Variants in CACNB1 observed in about 807,000 individuals in gnomAD.
CACNB1 encodes calcium voltage-gated channel auxiliary subunit beta 1, also known as voltage-dependent L-type calcium channel subunit beta-1.
Under a neutral mutation model 71.6 loss-of-function variants are expected in CACNB1, and 29 were observed. That is an observed-to-expected ratio of 0.40 (90% CI 0.30 to 0.55). CACNB1 has a LOEUF of 0.55. CACNB1 is among the 20% of genes least tolerant of loss of function. CACNB1 has a pLI of 0.38. For synonymous variants in CACNB1, 300 were observed against 319.6 expected, an observed-to-expected ratio of 0.94 and a Z score of 0.65; for missense variants, 623 against 801.8, an observed-to-expected ratio of 0.78 and a Z score of 2.69.
Position 39,175,113 on chromosome 17 carries a change from T to A in CACNB1, c.*80A>T. ...GGAGACAGCGCCCCCTGGAGGCGAA[T>A]ACATGTCAGGTGTGAGCCCCTCGCT... On this transcript the variant is annotated 3_prime_UTR_variant, in exon 14 of 14. Transcript: ENST00000394303. The surrounding 1 kb of genome is among the most constrained non-coding windows in gnomAD (Gnocchi z 4.7). The A allele has an allele frequency of 8.7e-7, 1 of 1,151,828 alleles. No homozygotes were observed. Among genetic ancestry groups the A allele is most frequent in the Non-Finnish European group, 1.2e-6 (1 of 800,412 alleles). The allele number at this position is 1,151,828 out of a possible 1,614,324, so 71.4% of individuals were successfully genotyped here. A position where few individuals can be genotyped will look rare whatever the true frequency, so the allele number is the denominator to read the frequency against.
chr17:39,178,379 T>A (rs1228780987), intron 11 of CACNB1: 1 of 222,910 alleles, frequency 4.5e-6, no homozygotes, highest in Non-Finnish European at 8.9e-6. Flanking sequence ...ACTCTCCTTT[T>A]TTTTTGTTTT....
chr17:39,193,282 A>G (rs758129508), intron 2 of CACNB1: 57 of 318,574 alleles, frequency 1.8e-4, no homozygotes, highest in Non-Finnish European at 3.2e-4. Flanking sequence ...ACACATACAC[A>G]CACATATGCA....
Position 39,175,872 on chromosome 17 carries a change from G to A in CACNB1, c.1333-215C>T, listed in dbSNP as rs138929802. ...TCCTCTCTCGGGACAGGGGGCACCC[G>A]ACCTTCAACAGATGTGAGGACATAT... On this transcript the variant is annotated intron_variant, in intron 13 of 13. Coordinates refer to ENST00000394303, the MANE Select transcript of CACNB1 (RefSeq NM_000723.5). The surrounding 1 kb of genome is among the most constrained non-coding windows in gnomAD (Gnocchi z 4.7). Among the ~76,000 whole-genome samples the A allele has an allele frequency of 0.015, 2,335 of 152,220 alleles. 42 individuals are homozygous for A. The highest frequency in any genetic ancestry group is 0.05 in the African/African-American group (2,087 of 41,518).
At chr17:39,195,782 C>T (rs2046190078) in intron 1 of CACNB1, among the ~76,000 whole-genome samples, 1 of 152,186 alleles carries the variant, frequency 6.6e-6, no homozygotes, top group Admixed American at 6.5e-5. Flanking sequence ...TGCCCATGCC[C>T]CATGCCCATG....
intron 2 of CACNB1, chr17:39,193,550 G>A (rs1185613538): frequency 2.4e-6 from 1 of 418,456 alleles, no homozygotes; most frequent in Non-Finnish European, 4.8e-6. Context: ...TGGGGGCTCG[G>A]GTTACAAGCA....
intron 1 of CACNB1, among the ~76,000 whole-genome samples, chr17:39,195,526 G>C (rs556247079): frequency 1.7e-4 from 26 of 152,302 alleles, no homozygotes; most frequent in Non-Finnish European, 2.5e-4. Flanking sequence ...GTAGGGAGGG[G>C]ATGACAGCTC....
chr17:39,192,976 A>G (rs1405494254), intron 2 of CACNB1: 1 of 155,730 alleles, frequency 6.4e-6, no homozygotes, highest in Non-Finnish European at 1.4e-5. Context: ...GAGCACGCAG[A>G]GTCAAAGAGC....
At chr17:39,195,735 G>A (rs1356663792) in intron 1 of CACNB1, among the ~76,000 whole-genome samples, 1 of 152,156 alleles carries the variant, frequency 6.6e-6, no homozygotes, top group Non-Finnish European at 1.5e-5. Context: ...GGGGGCAAGA[G>A]GGATCAAGCT....
chr17:39,184,264 C>T, intron 9 of CACNB1, 61 bp downstream of exon 9: 2 of 1,316,468 alleles, frequency 1.5e-6, no homozygotes, highest in African/African-American at 1.5e-5. Context: ...TCGAGGCATC[C>T]TGCCCATCCC....
At chr17:39,178,116 G>C in intron 11 of CACNB1, 37 bp from the exon 12 acceptor site, 1 of 1,516,690 alleles carries the variant, frequency 6.6e-7, no homozygotes, top group Non-Finnish European at 9.2e-7. Flanking sequence ...AGGAGCTAGA[G>C]GGACTCAGGC....
At chr17:39,185,089 C>T in intron 7 of CACNB1, 42 bp downstream of exon 7, 1 of 1,599,338 alleles carries the variant, frequency 6.3e-7, no homozygotes, top group Non-Finnish European at 8.6e-7. Flanking sequence ...CTAGCTCATC[C>T]CAGGGAGTGG....
chr17:39,179,212 C>G (rs2144094660), intron 11 of CACNB1, among the ~76,000 whole-genome samples: 1 of 141,864 alleles, frequency 7.0e-6, no homozygotes, highest in East Asian at 2.1e-4. Flanking sequence ...AGAATGGAGG[C>G]AGAGCTTGCA....
At position 39,184,879 on chromosome 17, in the gene CACNB1, A is replaced by G. The variant is rs1040852160; in HGVS notation, c.649-15T>C. ...ACATGCTCTGTCTGGGGGGGGAAGC[A>G]GGGAGGGGAAACCCCAGAGTGGAGA... is the stretch of plus-strand genomic sequence containing the variant. On this transcript the variant is annotated splice_polypyrimidine_tract_variant and intron_variant, in intron 7 of 13. Coordinates refer to ENST00000394303, the MANE Select transcript of CACNB1 (RefSeq NM_000723.5). 2 of 1,485,914 alleles carry G rather than the reference A, an allele frequency of 1.3e-6. No individual in the cohort carries two copies. Among genetic ancestry groups the G allele is most frequent in the Non-Finnish European group, 1.9e-6 (2 of 1,063,146 alleles). 92.0% of individuals were successfully genotyped at this position (1,485,914 alleles called of 1,614,324 possible). A position where few individuals can be genotyped will look rare whatever the true frequency, so the allele number is the denominator to read the frequency against.
In CACNB1 at chr17:39,186,979, G is replaced by A; in HGVS notation, c.415-50C>T. The A allele has an allele frequency of 1.9e-6, 3 of 1,599,360 alleles. No homozygotes were observed. Among genetic ancestry groups the A allele is most frequent in the Non-Finnish European group, 2.6e-6 (3 of 1,168,278 alleles). Reference sequence around the variant, plus strand: ...GGAAAGAGCAAGAGGGAAACTGCAGGGGCAAGCTAGCAGTCACTCTCTAGG... The same window carrying A: ...GGAAAGAGCAAGAGGGAAACTGCAGAGGCAAGCTAGCAGTCACTCTCTAGG... On this transcript the variant is annotated intron_variant, in intron 4 of 13. Coordinates refer to ENST00000394303, the MANE Select transcript of CACNB1 (RefSeq NM_000723.5). The surrounding 1 kb of genome is among the most constrained non-coding windows in gnomAD (Gnocchi z 4.1).
In CACNB1 at chr17:39,175,075, C is replaced by G. The variant is rs1386329784; in HGVS notation, c.*118G>C. On this transcript the variant is annotated 3_prime_UTR_variant, in exon 14 of 14. Coordinates refer to ENST00000394303, the MANE Select transcript of CACNB1 (RefSeq NM_000723.5). The surrounding 1 kb of genome is among the most constrained non-coding windows in gnomAD (Gnocchi z 4.7). The stretch of plus-strand genomic sequence containing the variant: ...AGAAACCCCAAGCTTTGAGCAAAGG[C>G]ATCTGAAAGGAGGGAGACAGCGCCC... 1 of 841,976 alleles carries G rather than the reference C, an allele frequency of 1.2e-6. No individual in the cohort carries two copies. Among genetic ancestry groups the G allele is most frequent in the African/African-American group, 1.7e-5 (1 of 58,750 alleles). The allele number at this position is 841,976 out of a possible 1,614,324, so 52.2% of individuals were successfully genotyped here.
In CACNB1 at chr17:39,183,779, G is replaced by C; in HGVS notation, c.984C>G (p.His328Gln). The C allele has an allele frequency of 6.2e-7, 1 of 1,613,996 alleles. No individual in the cohort carries two copies. Among genetic ancestry groups the C allele is most frequent in the Non-Finnish European group, 8.5e-7 (1 of 1,179,932 alleles). The change falls in exon 11 of 14, where the codon CAC becomes CAG. Residue 328 changes from histidine to glutamine, a missense_variant. Transcript: ENST00000394303. ...GCGAGGTCTTGGACAGCTGGGCTGG[G>C]TGATTGATGGTGTCAGCATCCAGAG... ...LVALDADTIN[H>Q]PAQLSKTSLA...
Position 39,186,781 on chromosome 17 carries a change from C to T in CACNB1, c.551+12G>A. Reference sequence around the variant, plus strand: ...GTTGGCAGCATCCCCTTCCCCTGCCCCACCCAGACACCTGGAGCCGAGGCG... The same window carrying T: ...GTTGGCAGCATCCCCTTCCCCTGCCTCACCCAGACACCTGGAGCCGAGGCG... On this transcript the variant is annotated intron_variant, in intron 5 of 13. Transcript: ENST00000394303. The surrounding 1 kb of genome is among the most constrained non-coding windows in gnomAD (Gnocchi z 4.1). 2 of 1,613,460 alleles carry T rather than the reference C, an allele frequency of 1.2e-6. No homozygotes were observed. Among genetic ancestry groups the T allele is most frequent in the Non-Finnish European group, 1.7e-6 (2 of 1,179,838 alleles).
Position 39,177,394 on chromosome 17 carries a change from T to A in CACNB1, c.1288A>T (p.Thr430Ser). 2 of 1,613,388 alleles carry A rather than the reference T, an allele frequency of 1.2e-6. No homozygotes were observed. Among genetic ancestry groups the A allele is most frequent in the Non-Finnish European group, 1.7e-6 (2 of 1,179,804 alleles). Residue 430 changes from threonine to serine, a missense_variant, in exon 13 of 14, where the codon ACC becomes TCC. Coordinates refer to ENST00000394303, the MANE Select transcript of CACNB1 (RefSeq NM_000723.5). ...GCAGGGCTGGCAGCCAGGGCTGCGG[T>A]AGCCATGGTGCGGTTCAGCAGCGGA... ...PNPLLNRTMA[T>S]AALAASPAPV...
Position 39,183,766 on chromosome 17 carries a change from A to G in CACNB1, c.997T>C (p.Ser333Pro), listed in dbSNP as rs1439022700. The change falls in exon 11 of 14, where the codon TCC becomes CCC. Residue 333 changes from serine to proline, a missense_variant. By Grantham distance (74) the Ser-to-Pro change is moderately conservative. Coordinates refer to ENST00000394303, the MANE Select transcript of CACNB1 (RefSeq NM_000723.5). Reference protein sequence around the residue: ...ADTINHPAQLSKTSLAPIIVY... With the variant: ...ADTINHPAQLPKTSLAPIIVY... The stretch of plus-strand genomic sequence containing the variant: ...ATGATGGGGGCCAGCGAGGTCTTGG[A>G]CAGCTGGGCTGGGTGATTGATGGTG... 5.6e-6 allele frequency: 9 copies of G among 1,613,628 alleles called. No individual in the cohort carries two copies. Among genetic ancestry groups the G allele is most frequent in the Non-Finnish European group, 7.6e-6 (9 of 1,179,776 alleles).
Sources: gnomAD v4.1 joint callset for allele counts (sites outside exome capture counted in the v4.1 genomes callset) on GRCh38, gnomAD v4.1.1 for gene constraint, Gnocchi (gnomAD v3.1) non-coding constraint, MANE v1.5 for transcripts, NCBI Gene and HGNC (gene_info 2026-07-23, HGNC 2026-07-21) for gene names.